Variants in RIPK1 observed in about 807,000 individuals in gnomAD.
RIPK1 encodes receptor-interacting serine/threonine-protein kinase 1.
Under a neutral mutation model 62.4 loss-of-function variants are expected in RIPK1, and 27 were observed. The ratio of observed to expected loss-of-function variants is 0.43; its 90% CI spans 0.32 to 0.60. RIPK1 has a LOEUF of 0.60. Ranked by LOEUF, RIPK1 falls within the 20% of genes least tolerant of loss-of-function variation. RIPK1 has a pLI of 0.07. For synonymous variants in RIPK1, 287 were observed against 303.2 expected (o/e 0.95, Z 0.55); for missense variants, 735 against 831.0 (o/e 0.88, Z 1.42).
At chr6:3,080,233 A>C (rs1461886790) in intron 3 of RIPK1, among the ~76,000 whole-genome samples, 1 of 152,240 alleles carries the variant, frequency 6.6e-6, no homozygotes, top group African/African-American at 2.4e-5. Context: ...ATACATTTTT[A>C]GGAAACATCT....
At chr6:3,109,437 G>C (rs1761041362) in intron 9 of RIPK1, among the ~76,000 whole-genome samples, 1 of 152,074 alleles carries the variant, frequency 6.6e-6, no homozygotes, top group African/African-American at 2.4e-5. Context: ...AGGAAGATCA[G>C]AGACAAGAGG....
intron 9 of RIPK1, among the ~76,000 whole-genome samples, 196 bp from the exon 10 acceptor site, chr6:3,110,607 C>CTT (rs34063767): frequency 1.4e-5 from 2 of 143,348 alleles, no homozygotes; most frequent in Non-Finnish European, 3.1e-5. Flanking sequence ...TGTGTTATTT[C>CTT]TTTTTTTTTT....
At chr6:3,089,773 C>T (rs1759928768) in intron 7 of RIPK1, 116 bp downstream of exon 7, 1 of 663,806 alleles carries the variant, frequency 1.5e-6, no homozygotes, top group Non-Finnish European at 2.7e-6. Flanking sequence ...GCTTGGTAAA[C>T]ATATAAAACA....
chr6:3,076,778 G>T lies in RIPK1; in HGVS notation c.-46G>T, dbSNP rs202096237. 7 of 1,501,258 alleles carry T rather than the reference G, an allele frequency of 4.7e-6. No individual in the cohort carries two copies. Among genetic ancestry groups the T allele is most frequent in the African/African-American group, 2.9e-5 (2 of 68,992 alleles). The allele number at this position is 1,501,258 out of a possible 1,614,324, so 93.0% of individuals were successfully genotyped here. A position where few individuals can be genotyped will look rare whatever the true frequency, so the allele number is the denominator to read the frequency against. ...TTTCTTTACAGGGTACAGCTCTGCC[G>T]GGGGGGGAAAAAGTGGTACCATTTT... On this transcript the variant is annotated 5_prime_UTR_variant, in exon 2 of 11. Transcript: ENST00000259808.
At chr6:3,107,784 ATCTCTTTGTGT>A (rs1384642560) in intron 9 of RIPK1, among the ~76,000 whole-genome samples, 2 of 151,810 alleles carry the variant, frequency 1.3e-5, no homozygotes, top group Admixed American at 1.3e-4. Flanking sequence ...AGTGCCAGAA[ATCTCTTTGTGT>A]TTTCACCTCG....
At chr6:3,103,034 T>C (rs1303758136) in intron 7 of RIPK1, among the ~76,000 whole-genome samples, 1 of 152,232 alleles carries the variant, frequency 6.6e-6, no homozygotes, top group African/African-American at 2.4e-5. Flanking sequence ...TATATTATAG[T>C]CACTCTAAGG....
intron 1 of RIPK1, among the ~76,000 whole-genome samples, chr6:3,070,227 G>T (rs985412708): frequency 3.9e-5 from 6 of 152,120 alleles, no homozygotes; most frequent in African/African-American, 1.4e-4. Flanking sequence ...TGAGTATTAA[G>T]AAAAGCTCTT....
rs761379969 is a variant in RIPK1, at chr6:3,105,626, A to G, written c.1151A>G (p.Tyr384Cys). 4.3e-6 allele frequency: 7 copies of G among 1,614,070 alleles called. No individual in the cohort carries two copies. The highest frequency in any genetic ancestry group is 5.9e-6 in the Non-Finnish European group (7 of 1,179,988). ...LQSKLQDEANYHLYGSRMDRQ... is the reference protein window; with the variant it reads ...LQSKLQDEANCHLYGSRMDRQ... ...AGTAAACTCCAAGACGAAGCCAACT[A>G]CCATCTTTATGGCAGCCGCATGGAC... The change falls in exon 9 of 11, where the codon TAC (tyrosine) becomes TGC (cysteine). Residue 384 changes from tyrosine (Y) to cysteine (C), a missense_variant. This residue lies in a region of RIPK1 where 671 missense variants were observed against 726.2 expected (regional missense o/e 0.92). Transcript: ENST00000259808. The surrounding 1 kb of genome is among the most constrained non-coding windows in gnomAD (Gnocchi z 4.5).
At chr6:3,081,860 T>TAAAAAAAAAAA (rs58330257) in intron 4 of RIPK1, among the ~76,000 whole-genome samples, 1 of 22,852 alleles carries the variant, frequency 4.4e-5, no homozygotes, top group African/African-American at 1.1e-4. Flanking sequence ...AACTCTGCCT[T>TAAAAAAAAAAA]AAAAAAAAAA....
rs764300849 is a variant in RIPK1, at chr6:3,089,636, A to C, written c.894A>C (p.Glu298Asp). 7 of 1,586,262 alleles carry C rather than the reference A, an allele frequency of 4.4e-6. No homozygotes were observed. Among genetic ancestry groups the C allele is most frequent in the Non-Finnish European group, 6.0e-6 (7 of 1,157,938 alleles). The change falls in exon 7 of 11, where the codon GAA becomes GAC. Residue 298 changes from glutamate to aspartate, a missense_variant. Transcript: ENST00000259808. ...TAAGTCAATTAGAAGAAAGTGTAGAAGAGGACGTGAAGAGTTTAAAGGTAG... is the reference window on the plus strand; with the variant it reads ...TAAGTCAATTAGAAGAAAGTGTAGACGAGGACGTGAAGAGTTTAAAGGTAG... ...FYLSQLEESV[E>D]EDVKSLKKEY...
intron 6 of RIPK1, among the ~76,000 whole-genome samples, chr6:3,087,715 A>AT (rs1759790290): frequency 1.3e-5 from 2 of 151,674 alleles, no homozygotes; most frequent in Non-Finnish European, 1.5e-5. Context: ...AATTTTTTGT[A>AT]TTTTTAGTAG....
intron 6 of RIPK1, among the ~76,000 whole-genome samples, chr6:3,086,076 CTTTAGAAAGTA>C (rs17513088): frequency 0.81 from 122,599 of 151,868 alleles, 52,858 homozygotes; most frequent in Non-Finnish European, 0.97. Context: ...TAGCTGGCAT[CTTTAGAAAGTA>C]TTTTGCCGTC....
At chr6:3,111,545 T>TAA (rs1581444454) in intron 10 of RIPK1, among the ~76,000 whole-genome samples, 2 of 151,450 alleles carry the variant, frequency 1.3e-5, no homozygotes, top group African/African-American at 4.9e-5. Flanking sequence ...GAACCAATAG[T>TAA]AAATGTTAGG....
At chr6:3,090,692 A>G (rs2113643224) in intron 7 of RIPK1, among the ~76,000 whole-genome samples, 1 of 152,188 alleles carries the variant, frequency 6.6e-6, no homozygotes, top group Middle Eastern at 3.4e-3. Context: ...GATATAGAAG[A>G]CAGAAAGAAC....
In RIPK1 at chr6:3,105,971, G is replaced by C. The variant is rs919161543; in HGVS notation, c.1496G>C (p.Ser499Thr). The change falls in exon 9 of 11, where the codon AGT (serine) becomes ACT (threonine). Residue 499 changes from serine to threonine, a missense_variant. Ser to Thr is a moderately conservative substitution (Grantham distance 58). Around this residue, in one of 2 missense-constraint regions of RIPK1, gnomAD observed 671 missense variants for 726.2 expected, o/e 0.92. Transcript: ENST00000259808. The surrounding 1 kb of genome is among the most constrained non-coding windows in gnomAD (Gnocchi z 4.5). ...WYRPIPSHMP[S>T]LHNIPVPETN... ...AGGCCAATTCCAAGTCATATGCCTA[G>C]TCTGCATAATATCCCAGTGCCTGAG... 1 of 1,614,064 alleles carries C rather than the reference G, an allele frequency of 6.2e-7. No individual in the cohort carries two copies. The highest frequency in any genetic ancestry group is 1.1e-5 in the South Asian group (1 of 91,080).
chr6:3,083,633 T>A (rs1164252196), intron 5 of RIPK1, among the ~76,000 whole-genome samples: 1 of 152,166 alleles, frequency 6.6e-6, no homozygotes, highest in African/African-American at 2.4e-5. Context: ...CAGTCCCTAC[T>A]GTGGGCACTT....
chr6:3,105,111 C>T lies in RIPK1; in HGVS notation c.1007-371C>T, dbSNP rs1192325767. The stretch of plus-strand genomic sequence containing the variant: ...AGGTGATCCGTCCGCCTCAGCCTCC[C>T]AACGTGCTAGGATTACAGGCGTGAG... On this transcript the variant is annotated intron_variant, in intron 8 of 10. Transcript: ENST00000259808. This position sits in a 1 kb window ranked among gnomAD's most constrained non-coding sequence, Gnocchi z 4.5. Among the ~76,000 whole-genome samples the T allele has an allele frequency of 1.3e-5, 2 of 152,170 alleles. No homozygotes were observed. Among genetic ancestry groups the T allele is most frequent in the Non-Finnish European group, 2.9e-5 (2 of 68,040 alleles).
At position 3,077,872 on chromosome 6, in the gene RIPK1, G is replaced by A; in HGVS notation, c.258G>A (p.Gly86=). The A allele has an allele frequency of 6.2e-7, 1 of 1,614,244 alleles. No individual in the cohort carries two copies. The highest frequency in any genetic ancestry group is 1.1e-5 in the South Asian group (1 of 91,088). ...TCCTGGGCGTCATCATAGAGGAAGG[G>A]AAGTACTCCCTGGTGATGGAGTACA... ...VKLLGVIIEE[G]KYSLVMEYME... Residue 86 remains glycine (G), a synonymous_variant, in exon 3 of 11, where the codon GGG becomes GGA. Transcript: ENST00000259808.
At chr6:3,073,028 AAC>A (rs905778204) in intron 1 of RIPK1, among the ~76,000 whole-genome samples, 3 of 152,168 alleles carry the variant, frequency 2.0e-5, no homozygotes, top group Non-Finnish European at 4.4e-5. Flanking sequence ...CGTGTGGATA[AAC>A]ACATGTGGGC....
Sources: gnomAD v4.1 joint callset for allele counts (sites outside exome capture counted in the v4.1 genomes callset) on GRCh38, gnomAD v4.1.1 for gene constraint, gnomAD v4.1.1 regional missense constraint, Gnocchi (gnomAD v3.1) non-coding constraint, MANE v1.5 for transcripts, NCBI Gene and HGNC (gene_info 2026-07-23, HGNC 2026-07-21) for gene names.